The following EPHA3 variants were observed in gnomAD, a reference collection of about 807,000 sequenced individuals.
The protein encoded by EPHA3 is ephrin type-A receptor 3.
A neutral mutation model predicts 107.1 loss-of-function variants in EPHA3; 42 were observed. That is an observed-to-expected ratio of 0.39 (90% confidence interval 0.31 to 0.51). The LOEUF is 0.51. EPHA3 is among the 20% of genes least tolerant of loss of function. The pLI is 0.78. For synonymous variants in EPHA3, 461 were observed against 424.8 expected (o/e 1.09, Z -1.05); for missense variants, 1,183 against 1,211.2 (o/e 0.98, Z 0.35).
chr3:89,123,927 AG>A (rs1015044355), intron 1 of EPHA3, among the ~76,000 whole-genome samples: 2 of 152,208 alleles, frequency 1.3e-5, no homozygotes, highest in African/African-American at 4.8e-5. Context: ...AAATCTGGGA[AG>A]GGGTAACTTA....
rs946165239 is a variant in EPHA3, at chr3:89,368,475, C to T, written c.1306+26385C>T. On this transcript the variant is annotated intron_variant, in intron 5 of 16. Transcript: ENST00000336596. ...CTGGGAGCTAGAGAAATAGAAAAGA[C>T]TGATACAATTCAGTCTGAGGCCAAA... 7.3e-5 allele frequency among the ~76,000 whole-genome samples: 11 copies of T among 150,344 alleles called. 1 individual carries two copies. Among genetic ancestry groups the T allele is most frequent in the Non-Finnish European group, 1.5e-4 (10 of 67,104 alleles).
At position 89,107,709 on chromosome 3, in the gene EPHA3, A is replaced by T. The variant is rs188399674; in HGVS notation, c.-40A>T. 1.0e-3 allele frequency: 1,595 copies of T among 1,572,700 alleles called. 3 individuals carry two copies. The Middle Eastern group carries it at 0.01, about 10-fold the overall frequency. On this transcript the variant is annotated 5_prime_UTR_variant, in exon 1 of 17. An upstream start codon of the reference 5' UTR is lost. Transcript: ENST00000336596. ...CCCCCTCACATCAGTGGCATGCTTCATGGAGATATGCTCCTCTCACTGCCC... is the reference window on the plus strand; with the variant it reads ...CCCCCTCACATCAGTGGCATGCTTCTTGGAGATATGCTCCTCTCACTGCCC...
intron 3 of EPHA3, among the ~76,000 whole-genome samples, chr3:89,314,498 T>C (rs1019978834): frequency 1.3e-5 from 2 of 151,848 alleles, no homozygotes; most frequent in African/African-American, 2.4e-5. Context: ...TTATAAAGAG[T>C]GAAAGCTCAT....
intron 2 of EPHA3, among the ~76,000 whole-genome samples, chr3:89,202,544 T>C: frequency 6.9e-6 from 1 of 145,036 alleles, no homozygotes; most frequent in South Asian, 2.1e-4. Context: ...AATATATATA[T>C]ATATATATAT....
intron 5 of EPHA3, among the ~76,000 whole-genome samples, chr3:89,361,187 C>T (rs758500339): frequency 2.0e-5 from 3 of 150,980 alleles, no homozygotes; most frequent in African/African-American, 4.8e-5. Flanking sequence ...TAGTGTTGCC[C>T]AAGGTACAGA....
At chr3:89,313,911 TA>T (rs1706830840) in intron 3 of EPHA3, among the ~76,000 whole-genome samples, 1 of 151,994 alleles carries the variant, frequency 6.6e-6, no homozygotes, top group East Asian at 1.9e-4. Context: ...ATATTTTTTA[TA>T]AAGTAAACTA....
intron 5 of EPHA3, among the ~76,000 whole-genome samples, chr3:89,372,473 A>C (rs1708327060): frequency 6.6e-6 from 1 of 151,686 alleles, no homozygotes; most frequent in Non-Finnish European, 1.5e-5. Context: ...TGAAAAAAAA[A>C]AACTTTGCAA....
intron 1 of EPHA3, among the ~76,000 whole-genome samples, chr3:89,115,230 C>G (rs1707224211): frequency 6.6e-6 from 1 of 150,694 alleles, no homozygotes; most frequent in South Asian, 2.1e-4. Flanking sequence ...TGTCGCTAGA[C>G]TAAAATGAAG....
chr3:89,249,347 G>T (rs144479508), intron 3 of EPHA3, among the ~76,000 whole-genome samples: 2 of 152,040 alleles, frequency 1.3e-5, no homozygotes, highest in African/African-American at 4.8e-5. Flanking sequence ...CATATTGAAC[G>T]GCGGTGACAT....
intron 5 of EPHA3, among the ~76,000 whole-genome samples, chr3:89,356,605 T>C (rs572364092): frequency 2.0e-5 from 3 of 151,350 alleles, no homozygotes; most frequent in Admixed American, 1.3e-4. Flanking sequence ...GCAATTCATA[T>C]CTATAATGCG....
At chr3:89,358,080 G>T (rs1479744741) in intron 5 of EPHA3, among the ~76,000 whole-genome samples, 3 of 151,180 alleles carry the variant, frequency 2.0e-5, no homozygotes, top group African/African-American at 4.8e-5. Context: ...GGAATGTAAA[G>T]ATCTAGAAAT....
At chr3:89,418,673 T>A (rs1709296834) in intron 10 of EPHA3, among the ~76,000 whole-genome samples, 1 of 151,456 alleles carries the variant, frequency 6.6e-6, no homozygotes, top group Admixed American at 6.6e-5. Flanking sequence ...GAGACTTTTA[T>A]AGCTGGTATG....
chr3:89,201,999 C>T (rs913436040), intron 2 of EPHA3, among the ~76,000 whole-genome samples: 10 of 152,128 alleles, frequency 6.6e-5, no homozygotes, highest in Admixed American at 3.3e-4. Flanking sequence ...CTTTTTCTCC[C>T]TCTCTGTGTC....
At chr3:89,170,886 C>T (rs528491168) in intron 2 of EPHA3, among the ~76,000 whole-genome samples, 1 of 150,232 alleles carries the variant, frequency 6.7e-6, no homozygotes, top group Non-Finnish European at 1.5e-5. Context: ...TCTAGTGGAT[C>T]GTTAAATAGA....
intron 2 of EPHA3, among the ~76,000 whole-genome samples, chr3:89,196,893 G>T (rs963109679): frequency 6.6e-6 from 1 of 151,988 alleles, no homozygotes; most frequent in South Asian, 2.1e-4. Flanking sequence ...AATGGTTTTG[G>T]AATCTGTTAT....
chr3:89,391,729 G>A (rs1260523783), intron 5 of EPHA3, among the ~76,000 whole-genome samples: 1 of 151,630 alleles, frequency 6.6e-6, no homozygotes, highest in African/African-American at 2.4e-5. Flanking sequence ...CACCGCGCCC[G>A]GCCTATTTGT....
intron 15 of EPHA3, among the ~76,000 whole-genome samples, chr3:89,470,842 T>C (rs1483558279): frequency 6.6e-6 from 1 of 152,186 alleles, no homozygotes; most frequent in Non-Finnish European, 1.5e-5. Flanking sequence ...TAATGTGATT[T>C]AGTTTCAGCT....
chr3:89,201,505 T>A (rs1029687900), intron 2 of EPHA3, among the ~76,000 whole-genome samples: 1 of 152,204 alleles, frequency 6.6e-6, no homozygotes, highest in Non-Finnish European at 1.5e-5. Flanking sequence ...GCCACCATAT[T>A]TGCCATGGTT....
At chr3:89,337,576 C>G (rs1210021129) in intron 3 of EPHA3, among the ~76,000 whole-genome samples, 1 of 152,184 alleles carries the variant, frequency 6.6e-6, no homozygotes, top group Admixed American at 6.6e-5. Context: ...AAATGACTAT[C>G]TATTCATTCG....
Sources: allele counts gnomAD v4.1 joint callset (sites outside exome capture counted in the v4.1 genomes callset), GRCh38; gene constraint gnomAD v4.1.1; transcripts MANE v1.5; gene names NCBI Gene and HGNC (gene_info 2026-07-23, HGNC 2026-07-21).